The following HS6ST3 variants were observed in gnomAD, a reference collection of about 807,000 sequenced individuals.
HS6ST3 encodes heparan-sulfate 6-O-sulfotransferase 3.
A neutral mutation model predicts 36.7 loss-of-function variants in HS6ST3; 12 were observed. That is an observed-to-expected ratio of 0.33 (90% CI 0.21 to 0.53). The LOEUF (loss-of-function observed/expected upper bound fraction) is 0.53, where lower values mean the gene tolerates loss of function less well. Among genes scored for constraint, HS6ST3 ranks in the 20% least tolerant of loss-of-function variants. The probability of loss-of-function intolerance (pLI) is 0.95; values close to 1 mark genes in which losing one functional copy is unlikely to be tolerated. For missense variants in HS6ST3, 584 were observed against 640.9 expected (o/e 0.91, Z 0.96); for synonymous variants, 240 against 257.5 (o/e 0.93, Z 0.65).
At chr13:96,333,016 A>C (rs914143111) in intron 1 of HS6ST3, among the ~76,000 whole-genome samples, 2 of 152,196 alleles carry the variant, frequency 1.3e-5, no homozygotes, top group African/African-American at 4.8e-5. Flanking sequence ...TAGACACCAA[A>C]TTTACTGGCA....
intron 1 of HS6ST3, among the ~76,000 whole-genome samples, chr13:96,559,017 G>A (rs1363308193): frequency 6.6e-6 from 1 of 152,028 alleles, no homozygotes; most frequent in African/African-American, 2.4e-5. Context: ...AGCTCTGCTA[G>A]CATCAAACTG....
chr13:96,752,652 G>T (rs1876728256), intron 1 of HS6ST3, among the ~76,000 whole-genome samples: 1 of 151,708 alleles, frequency 6.6e-6, no homozygotes, highest in Admixed American at 6.6e-5. Flanking sequence ...ACAATCATTT[G>T]TCTTTTTTCT....
chr13:96,602,755 A>C (rs1044854017), intron 1 of HS6ST3, among the ~76,000 whole-genome samples: 8 of 152,078 alleles, frequency 5.3e-5, no homozygotes, highest in East Asian at 1.9e-4. Context: ...TGTGAGTACT[A>C]TCTTGGATTA....
At position 96,124,062 on chromosome 13, in the gene HS6ST3, G is replaced by A. The variant is rs150454907; in HGVS notation, c.707+32493G>A. On this transcript the variant is annotated intron_variant, in intron 1 of 1. Coordinates refer to ENST00000376705, the MANE Select transcript of HS6ST3 (RefSeq NM_153456.4). ...GACCAGTGGCATCAGGGTTAAGCCTGTTGAAGATCATGCATTTTAGCGCTC... is the reference window on the plus strand; with the variant it reads ...GACCAGTGGCATCAGGGTTAAGCCTATTGAAGATCATGCATTTTAGCGCTC... Among the ~76,000 whole-genome samples the A allele has an allele frequency of 2.9e-3, 445 of 152,302 alleles. 1 individual carries two copies. The highest frequency in any genetic ancestry group is 0.01 in the African/African-American group (422 of 41,582).
rs543919526 is a variant in HS6ST3, at chr13:96,622,265, A to T, written c.708-210225A>T. 2.2e-4 allele frequency among the ~76,000 whole-genome samples: 33 copies of T among 152,272 alleles called. 1 individual carries two copies. Among genetic ancestry groups the T allele is most frequent in the Admixed American group, 2.1e-3 (32 of 15,298 alleles). On this transcript the variant is annotated intron_variant, in intron 1 of 1. Transcript: ENST00000376705. ...AGGTTATGATTTTAGACAACAAAGT[A>T]TCTTGAGTAAAAAAAGCAGTAGTCA...
chr13:96,610,430 G>A (rs2056453388), intron 1 of HS6ST3, among the ~76,000 whole-genome samples: 1 of 152,104 alleles, frequency 6.6e-6, no homozygotes, highest in Admixed American at 6.5e-5. Context: ...GGACATTACT[G>A]ATTTTCAGTG....
chr13:96,750,076 T>C (rs773052439), intron 1 of HS6ST3, among the ~76,000 whole-genome samples: 1 of 152,174 alleles, frequency 6.6e-6, no homozygotes, highest in Non-Finnish European at 1.5e-5. Flanking sequence ...CATTTATCAA[T>C]GTTATCAGTT....
chr13:96,406,828 T>A (rs1187701817), intron 1 of HS6ST3, among the ~76,000 whole-genome samples: 2 of 152,226 alleles, frequency 1.3e-5, no homozygotes, highest in East Asian at 3.8e-4. Flanking sequence ...TTTGACACAG[T>A]TCATATGTGT....
chr13:96,240,224 G>C (rs1199926592), intron 1 of HS6ST3, among the ~76,000 whole-genome samples: 2 of 152,142 alleles, frequency 1.3e-5, no homozygotes, highest in African/African-American at 2.4e-5. Flanking sequence ...GTATAAATTT[G>C]ATAGTCACAA....
chr13:96,339,779 G>A (rs1255413486), intron 1 of HS6ST3, among the ~76,000 whole-genome samples: 1 of 152,246 alleles, frequency 6.6e-6, no homozygotes, highest in African/African-American at 2.4e-5. Context: ...GTCTTGGAAA[G>A]AGGCTCTTGA....
intron 1 of HS6ST3, among the ~76,000 whole-genome samples, chr13:96,709,295 T>C (rs992227794): frequency 6.6e-6 from 1 of 152,218 alleles, no homozygotes; most frequent in African/African-American, 2.4e-5. Context: ...TGTTTATAAA[T>C]TACCCAGTCT....
At chr13:96,436,679 A>G (rs965554359) in intron 1 of HS6ST3, among the ~76,000 whole-genome samples, 1 of 152,226 alleles carries the variant, frequency 6.6e-6, no homozygotes, top group Non-Finnish European at 1.5e-5. Context: ...AGGTTTGCGC[A>G]TTCAAAGAGA....
At chr13:96,111,835 C>T (rs2053869687) in intron 1 of HS6ST3, among the ~76,000 whole-genome samples, 1 of 152,114 alleles carries the variant, frequency 6.6e-6, no homozygotes, top group South Asian at 2.1e-4. Flanking sequence ...CTGCAGATTT[C>T]ATTGGAGATA....
Position 96,426,162 on chromosome 13 carries a change from C to T in HS6ST3, c.707+334593C>T, listed in dbSNP as rs148450515. The stretch of plus-strand genomic sequence containing the variant: ...AAAAATGGCCACCTTGCTGTAAGAC[C>T]CCTGCTTCAGGCAGGGGTCTCGTCA... On this transcript the variant is annotated intron_variant, in intron 1 of 1. Transcript: ENST00000376705. Among the ~76,000 whole-genome samples the T allele has an allele frequency of 2.3e-3, 347 of 151,848 alleles. 1 individual carries two copies. Among genetic ancestry groups the T allele is most frequent in the Non-Finnish European group, 3.9e-3 (266 of 67,910 alleles).
At chr13:96,593,184 T>C (rs1367245738) in intron 1 of HS6ST3, among the ~76,000 whole-genome samples, 2 of 98,216 alleles carry the variant, frequency 2.0e-5, no homozygotes, top group African/African-American at 7.7e-5. Context: ...CTTTTTTTTT[T>C]TTTTTTTTTT....
chr13:96,115,638 C>T (rs1397571161), intron 1 of HS6ST3, among the ~76,000 whole-genome samples: 1 of 152,114 alleles, frequency 6.6e-6, no homozygotes, highest in East Asian at 1.9e-4. Flanking sequence ...TTTCTTTATC[C>T]AGTCTATCAT....
intron 1 of HS6ST3, among the ~76,000 whole-genome samples, chr13:96,604,090 C>G (rs535616296): frequency 6.6e-6 from 1 of 152,228 alleles, no homozygotes; most frequent in African/African-American, 2.4e-5. Context: ...CTGTGCATTT[C>G]AAGTTAAATA....
intron 1 of HS6ST3, among the ~76,000 whole-genome samples, chr13:96,809,324 A>G (rs115831634): frequency 0.015 from 2,272 of 152,356 alleles, 54 homozygotes; most frequent in African/African-American, 0.052. Context: ...CTAGGAATTT[A>G]GAAAGACAAG....
chr13:96,739,821 T>C (rs545661510), intron 1 of HS6ST3, among the ~76,000 whole-genome samples: 1 of 152,272 alleles, frequency 6.6e-6, no homozygotes, highest in African/African-American at 2.4e-5. Flanking sequence ...TTACTTCCTA[T>C]ATATTTTTTT....
Sources: gnomAD v4.1 joint callset for allele counts (sites outside exome capture counted in the v4.1 genomes callset) on GRCh38, gnomAD v4.1.1 for gene constraint, MANE v1.5 for transcripts, NCBI Gene and HGNC (gene_info 2026-07-23, HGNC 2026-07-21) for gene names.